NPSR1: variants seen among roughly 807,000 people sequenced by gnomAD.
NPSR1 encodes the protein neuropeptide S receptor.
In NPSR1, 48 loss-of-function variants were observed where a neutral mutation model predicts 46.9. The ratio of observed to expected loss-of-function variants is 1.02; its 90% CI spans 0.81 to 1.30. NPSR1 has a LOEUF of 1.30. Ranked by LOEUF, NPSR1 falls within the 50% of genes most tolerant of loss-of-function variation. NPSR1 has a pLI of 0.00. For synonymous variants in NPSR1, 176 were observed against 168.1 expected, an observed-to-expected ratio of 1.05 and a Z score of -0.36; for missense variants, 450 against 449.5, an observed-to-expected ratio of 1.00 and a Z score of -0.01.
At chr7:34,840,539 A>T (rs1310549754) in intron 6 of NPSR1, among the ~76,000 whole-genome samples, 1 of 152,288 alleles carries the variant, frequency 6.6e-6, no homozygotes, top group African/African-American at 2.4e-5. Context: ...ATCCCCGGGA[A>T]GAGCAGCAGT....
intron 2 of NPSR1, among the ~76,000 whole-genome samples, chr7:34,702,922 TAA>T (rs1793907908): frequency 6.6e-6 from 1 of 152,218 alleles, no homozygotes; most frequent in Non-Finnish European, 1.5e-5. Context: ...AGACCTACAC[TAA>T]GTCTTATTCA....
At chr7:34,823,417 C>T (rs59849129) in intron 4 of NPSR1, among the ~76,000 whole-genome samples, 1 of 103,958 alleles carries the variant, frequency 9.6e-6, no homozygotes, top group Non-Finnish European at 1.9e-5. Flanking sequence ...AAAAAAAAAA[C>T]AACACCATAA....
downstream of NPSR1, among the ~76,000 whole-genome samples, chr7:34,853,376 G>A (rs1447247960): frequency 2.6e-5 from 4 of 152,146 alleles, no homozygotes; most frequent in Non-Finnish European, 4.4e-5. Flanking sequence ...TATGCAGATC[G>A]ACTAGTGTCC....
At chr7:34,819,477 A>C (rs1789437954) in intron 4 of NPSR1, among the ~76,000 whole-genome samples, 1 of 152,256 alleles carries the variant, frequency 6.6e-6, no homozygotes, top group African/African-American at 2.4e-5. Context: ...GGGAGTGTAC[A>C]TTAGTTCAAC....
intron 8 of NPSR1, among the ~76,000 whole-genome samples, chr7:34,862,554 T>C (rs1437931145): frequency 6.6e-6 from 1 of 151,796 alleles, no homozygotes; most frequent in Admixed American, 6.5e-5. Flanking sequence ...GTGTGGTTTC[T>C]CTTTCTTTGC....
intron 2 of NPSR1, chr7:34,751,662 C>T: frequency 6.3e-7 from 1 of 1,593,938 alleles, no homozygotes; most frequent in Non-Finnish European, 8.6e-7. Context: ...GAGCCACATC[C>T]CCAGCCAGGG....
intron 8 of NPSR1, among the ~76,000 whole-genome samples, chr7:34,876,093 A>G (rs917691445): frequency 9.9e-5 from 15 of 152,222 alleles, no homozygotes; most frequent in African/African-American, 2.4e-4. Flanking sequence ...GGGGCAAAAG[A>G]CAGGTGGGAC....
chr7:34,849,832 C>T lies in NPSR1; in HGVS notation c.*177C>T, dbSNP rs1400793704. 20 of 1,379,866 alleles carry T rather than the reference C, an allele frequency of 1.4e-5. No homozygotes were observed. The highest frequency in any genetic ancestry group is 3.2e-5 in the South Asian group (2 of 61,638). 85.5% of individuals were successfully genotyped at this position (1,379,866 alleles called of 1,614,324 possible). On this transcript the variant is annotated 3_prime_UTR_variant, in exon 9 of 9. Coordinates refer to ENST00000360581, the MANE Select transcript of NPSR1 (RefSeq NM_207172.2). ...TGCACTGCTTAAGTATTGGCCAACA[C>T]GAACTCCCCAGTTATTCATGCCAGC...
chr7:34,855,815 G>C (rs1238973002), intron 8 of NPSR1, among the ~76,000 whole-genome samples: 9 of 152,124 alleles, frequency 5.9e-5, no homozygotes, highest in Non-Finnish European at 1.3e-4. Context: ...GCTAACATAT[G>C]TGACAAAACT....
chr7:34,819,035 A>G (rs1350000346), intron 4 of NPSR1, among the ~76,000 whole-genome samples: 1 of 152,204 alleles, frequency 6.6e-6, no homozygotes, highest in Non-Finnish European at 1.5e-5. Context: ...TAAAACACCA[A>G]AAGCAATGGC....
At chr7:34,727,526 C>T (rs999044916) in intron 2 of NPSR1, among the ~76,000 whole-genome samples, 6 of 152,182 alleles carry the variant, frequency 3.9e-5, no homozygotes, top group African/African-American at 1.4e-4. Context: ...CACCACTTTG[C>T]TACCTGGATA....
intron 2 of NPSR1, among the ~76,000 whole-genome samples, chr7:34,778,196 A>G (rs1034382261): frequency 1.3e-5 from 2 of 152,068 alleles, no homozygotes; most frequent in Non-Finnish European, 2.9e-5. Flanking sequence ...TAAAAAGTCA[A>G]CTCTATGATT....
At chr7:34,839,480 A>T (rs1790494858) in intron 6 of NPSR1, among the ~76,000 whole-genome samples, 1 of 152,136 alleles carries the variant, frequency 6.6e-6, no homozygotes, top group African/African-American at 2.4e-5. Flanking sequence ...ACAAATGGAA[A>T]CCTCAGTTTC....
At chr7:34,748,261 G>C (rs897713335) in intron 2 of NPSR1, among the ~76,000 whole-genome samples, 1 of 152,172 alleles carries the variant, frequency 6.6e-6, no homozygotes, top group African/African-American at 2.4e-5. Flanking sequence ...CTAAGCATTC[G>C]CATAATATCT....
chr7:34,846,468 AAT>A (rs1397505438), intron 7 of NPSR1, among the ~76,000 whole-genome samples: 1 of 152,228 alleles, frequency 6.6e-6, no homozygotes, highest in Non-Finnish European at 1.5e-5. Flanking sequence ...CCCAAAAAAT[AAT>A]ATAAAAGAGG....
chr7:34,785,237 C>G (rs372652312), intron 3 of NPSR1, among the ~76,000 whole-genome samples: 1 of 151,558 alleles, frequency 6.6e-6, no homozygotes, highest in African/African-American at 2.4e-5. Context: ...TGTAGGGACA[C>G]GGATGAAATT....
intron 1 of NPSR1, among the ~76,000 whole-genome samples, chr7:34,664,744 C>T (rs1791654339): frequency 6.6e-6 from 1 of 152,138 alleles, no homozygotes; most frequent in Non-Finnish European, 1.5e-5. Flanking sequence ...TGGCCCACTA[C>T]ATGAAAGGCT....
At chr7:34,848,339 T>C (rs1790813158) in intron 7 of NPSR1, 144 bp from the exon 8 acceptor site, 1 of 699,106 alleles carries the variant, frequency 1.4e-6, no homozygotes, top group African/African-American at 1.8e-5. Flanking sequence ...ATGACATCAA[T>C]GCTCCAAACA....
intron 8 of NPSR1, among the ~76,000 whole-genome samples, chr7:34,874,998 G>A (rs915179963): frequency 7.2e-5 from 11 of 152,000 alleles, no homozygotes; most frequent in African/African-American, 2.4e-4. Flanking sequence ...ATCTCACCTG[G>A]TGCACTATAC....
Sources: allele counts gnomAD v4.1 joint callset (sites outside exome capture counted in the v4.1 genomes callset), GRCh38; gene constraint gnomAD v4.1.1; transcripts MANE v1.5; gene names NCBI Gene and HGNC (gene_info 2026-07-23, HGNC 2026-07-21).